IWS1: variants seen among roughly 807,000 people sequenced by gnomAD.
IWS1 encodes the protein protein IWS1 homolog.
A neutral mutation model predicts 86.7 loss-of-function variants in IWS1; 27 were observed. The ratio of observed to expected loss-of-function variants is 0.31; its 90% confidence interval spans 0.23 to 0.43. The LOEUF (loss-of-function observed/expected upper bound fraction) is 0.43, where lower values mean the gene tolerates loss of function less well. Ranked by LOEUF, IWS1 falls within the 20% of genes least tolerant of loss-of-function variation. The pLI is 1.00. For missense variants in IWS1, 827 were observed against 1,000.8 expected (o/e 0.83, Z 2.34); for synonymous variants, 313 against 335.1 (o/e 0.93, Z 0.72).
At chr2:127,485,015 A>G (rs1419824794) in intron 13 of IWS1, among the ~76,000 whole-genome samples, 4 of 151,908 alleles carry the variant, frequency 2.6e-5, no homozygotes, top group Non-Finnish European at 5.9e-5. Flanking sequence ...AAAGAAAAAG[A>G]AAAAGAAAAA....
Position 127,489,286 on chromosome 2 carries a change from T to C in IWS1, c.2160-51A>G. Reference sequence around the variant, plus strand: ...ACCAGGAATATTAGAACCTAATAACTCAGAAAAAGAGCAAACTAAAAATCA... The same window carrying C: ...ACCAGGAATATTAGAACCTAATAACCCAGAAAAAGAGCAAACTAAAAATCA... On this transcript the variant is annotated intron_variant, in intron 11 of 13. Transcript: ENST00000295321. The surrounding 1 kb of genome is among the most constrained non-coding windows in gnomAD (Gnocchi z 4.8). 1.2e-5 allele frequency: 16 copies of C among 1,352,800 alleles called. No individual in the cohort carries two copies. Among genetic ancestry groups the C allele is most frequent in the Non-Finnish European group, 1.7e-5 (16 of 956,990 alleles). The allele number at this position is 1,352,800 out of a possible 1,614,324, so 83.8% of individuals were successfully genotyped here. A position where few individuals can be genotyped will look rare whatever the true frequency, so the allele number is the denominator to read the frequency against.
At chr2:127,509,707 CAAAAAAAAAA>C (rs34526019) in intron 2 of IWS1, among the ~76,000 whole-genome samples, 831 of 55,518 alleles carry the variant, frequency 0.015, 16 homozygotes, top group African/African-American at 0.056. Flanking sequence ...CACTCCATCT[CAAAAAAAAAA>C]AAAAAAAAAA....
intron 2 of IWS1, among the ~76,000 whole-genome samples, chr2:127,520,357 C>G (rs916301148): frequency 1.3e-5 from 2 of 151,906 alleles, no homozygotes; most frequent in Non-Finnish European, 2.9e-5. Context: ...TTAGTAGAGA[C>G]GGGGTTTCAC....
rs577636766 is a variant in IWS1 at position 127,513,844 on chromosome 2, T to TA, written c.151-8093dup. 2.8e-4 allele frequency among the ~76,000 whole-genome samples: 43 copies of TA among 152,282 alleles called. No individual in the cohort carries two copies. The East Asian group carries it at 8.3e-3, about 29-fold the overall frequency. ...ATCTCTTCTATGTGTAAATTTACTT[T>TA]AAAAAAATTAAACTAGGACCTAGAA... On this transcript the variant is annotated intron_variant, in intron 2 of 13. Transcript: ENST00000295321.
chr2:127,518,583 G>A (rs1490740502), intron 2 of IWS1, among the ~76,000 whole-genome samples: 1 of 40,898 alleles, frequency 2.4e-5, no homozygotes, highest in African/African-American at 1.1e-4. Flanking sequence ...TTTTTTTTTT[G>A]AGGCAGAGTT....
Position 127,505,382 on chromosome 2 carries a change from G to C in IWS1, c.521C>G (p.Thr174Arg). 1 of 1,614,088 alleles carries C rather than the reference G, an allele frequency of 6.2e-7. No individual in the cohort carries two copies. Among genetic ancestry groups the C allele is most frequent in the Non-Finnish European group, 8.5e-7 (1 of 1,179,994 alleles). Reference sequence around the variant, plus strand: ...GATTTGAGGTTTTAGAGCATCTTCTGTTTCAGAGTCACTAGCAGGACTCTT... The same window carrying C: ...GATTTGAGGTTTTAGAGCATCTTCTCTTTCAGAGTCACTAGCAGGACTCTT... ...LQKSPASDSE[T>R]EDALKPQISD... Residue 174 changes from threonine (T) to arginine (R), a missense_variant, in exon 3 of 14, where the codon ACA becomes AGA. Around this residue, in one of 2 missense-constraint regions of IWS1, gnomAD observed 548 missense variants for 560.2 expected, o/e 0.98. Coordinates refer to ENST00000295321, the MANE Select transcript of IWS1 (RefSeq NM_017969.3). The surrounding 1 kb of genome is among the most constrained non-coding windows in gnomAD (Gnocchi z 5.0).
At position 127,505,833 on chromosome 2, in the gene IWS1, G is replaced by GA; in HGVS notation, c.151-82dup. ...TAATAAAACATTAAATTTTTTCTGT[G>GA]ATTTTTTTAAAATACAGGATTATGT... On this transcript the variant is annotated intron_variant, in intron 2 of 13. Transcript: ENST00000295321. The surrounding 1 kb of genome is among the most constrained non-coding windows in gnomAD (Gnocchi z 5.0). 1.0e-6 allele frequency: 1 copy of GA among 986,118 alleles called. No individual in the cohort carries two copies. The allele number at this position is 986,118 out of a possible 1,614,324, so 61.1% of individuals were successfully genotyped here.
chr2:127,496,801 C>A (rs1035387441), intron 6 of IWS1, among the ~76,000 whole-genome samples: 2 of 152,170 alleles, frequency 1.3e-5, no homozygotes, highest in Admixed American at 1.3e-4. Context: ...TTGTCTTGAA[C>A]TCCTGGCCTC....
intron 2 of IWS1, among the ~76,000 whole-genome samples, chr2:127,509,663 G>A (rs1430970890): frequency 2.3e-5 from 3 of 132,900 alleles, no homozygotes; most frequent in African/African-American, 5.7e-5. Context: ...AGCCAAGATC[G>A]TGCCACTGCA....
intron 13 of IWS1, among the ~76,000 whole-genome samples, chr2:127,483,464 A>T (rs1558736496): frequency 8.7e-6 from 1 of 115,250 alleles, no homozygotes; most frequent in Non-Finnish European, 1.7e-5. Context: ...AATACATAAT[A>T]AAAAAAAAAG....
rs1411087723 is a variant in IWS1, at chr2:127,516,872, T to C, written c.150+6804A>G. On this transcript the variant is annotated intron_variant, in intron 2 of 13. Transcript: ENST00000295321. ...GGAACATTCTCCAGGATAGACTATG[T>C]GCTAGGCCCTAAAACAAACCCTGAC... 2.7e-5 allele frequency among the ~76,000 whole-genome samples: 4 copies of C among 149,482 alleles called. No individual in the cohort carries two copies. The East Asian group carries it at 7.8e-4, about 29-fold the overall frequency.
intron 7 of IWS1, among the ~76,000 whole-genome samples, chr2:127,495,726 G>C (rs1005976252): frequency 6.6e-6 from 1 of 152,154 alleles, no homozygotes; most frequent in Non-Finnish European, 1.5e-5. Context: ...TGGTGAACTA[G>C]CCAAATCTGA....
At position 127,481,154 on chromosome 2, in the gene IWS1, C is replaced by T; in HGVS notation, c.2350G>A (p.Gly784Ser). The T allele has an allele frequency of 6.2e-7, 1 of 1,602,144 alleles. No homozygotes were observed. Among genetic ancestry groups the T allele is most frequent in the Non-Finnish European group, 8.5e-7 (1 of 1,176,694 alleles). The change falls in exon 14 of 14, where the codon GGT becomes AGT. Residue 784 changes from glycine to serine, a missense_variant. Around this residue, in one of 2 missense-constraint regions of IWS1, gnomAD observed 279 missense variants for 440.6 expected, o/e 0.63. Coordinates refer to ENST00000295321, the MANE Select transcript of IWS1 (RefSeq NM_017969.3). Reference protein sequence around the residue: ...SSRFQATSKKGISRLDKQMRK... With the variant: ...SSRFQATSKKSISRLDKQMRK... ...ATCTGTTTATCCAGTCGACTGATAC[C>T]CTTCTTGGAGGTCGCCTGAAACTAA...
intron 12 of IWS1, among the ~76,000 whole-genome samples, chr2:127,487,262 A>G (rs1689978135): frequency 6.6e-6 from 1 of 152,254 alleles, no homozygotes; most frequent in Admixed American, 6.5e-5. Flanking sequence ...GTATAGTATC[A>G]CAACCAGGAT....
intron 9 of IWS1, 52 bp downstream of exon 9, chr2:127,493,229 A>T: frequency 6.5e-7 from 1 of 1,546,820 alleles, no homozygotes; most frequent in Non-Finnish European, 8.7e-7. Context: ...TTATGACCAT[A>T]CAGACCACAT....
intron 10 of IWS1, among the ~76,000 whole-genome samples, chr2:127,491,496 T>C (rs1461186583): frequency 6.6e-6 from 1 of 151,954 alleles, no homozygotes; most frequent in Non-Finnish European, 1.5e-5. Context: ...CAGGCTGGAG[T>C]GCAGTGGCGC....
rs1322084883 is a variant in IWS1, at chr2:127,486,539, C to A, written c.2328+14G>T. 1.3e-6 allele frequency: 2 copies of A among 1,585,442 alleles called. No individual in the cohort carries two copies. The highest frequency in any genetic ancestry group is 1.7e-6 in the Non-Finnish European group (2 of 1,154,068). On this transcript the variant is annotated intron_variant, in intron 13 of 13. Transcript: ENST00000295321. ...GCAGGTGAGATCCACCTTGCCGATC[C>A]TCCGCTTGCTTACCCTGGATGACTC...
intron 2 of IWS1, among the ~76,000 whole-genome samples, chr2:127,506,949 T>A (rs1691180425): frequency 6.6e-6 from 1 of 152,204 alleles, no homozygotes; most frequent in African/African-American, 2.4e-5. Context: ...ATCTGGTAGC[T>A]CAACTTTAAA....
At position 127,509,707 on chromosome 2, in the gene IWS1, C is replaced by CAAAAAA. The variant is rs34526019; in HGVS notation, c.151-3961_151-3956dup. On this transcript the variant is annotated intron_variant, in intron 2 of 13. Coordinates refer to ENST00000295321, the MANE Select transcript of IWS1 (RefSeq NM_017969.3). ...TATGTGACAGAGCAACACTCCATCT[C>CAAAAAA]AAAAAAAAAAAAAAAAAAAAAAAAG... is the stretch of plus-strand genomic sequence containing the variant. 1.8e-4 allele frequency among the ~76,000 whole-genome samples: 10 copies of CAAAAAA among 55,456 alleles called. 2 individuals are homozygous for CAAAAAA. Among genetic ancestry groups the CAAAAAA allele is most frequent in the South Asian group, 1.2e-3 (1 of 836 alleles). 36.4% of individuals were successfully genotyped at this position (55,456 alleles called of 152,430 possible). A position where few individuals can be genotyped will look rare whatever the true frequency, so the allele number is the denominator to read the frequency against.
Sources: allele counts gnomAD v4.1 joint callset (sites outside exome capture counted in the v4.1 genomes callset), GRCh38; gene constraint gnomAD v4.1.1; regional missense constraint gnomAD v4.1.1; non-coding constraint Gnocchi (gnomAD v3.1); transcripts MANE v1.5; gene names NCBI Gene and HGNC (gene_info 2026-07-23, HGNC 2026-07-21).